TUT7: variants seen among roughly 807,000 people sequenced by gnomAD.
TUT7 encodes terminal uridylyl transferase 7, also known as terminal uridylyltransferase 7.
A neutral mutation model predicts 165.9 loss-of-function variants in TUT7; 33 were observed. That is an observed-to-expected ratio of 0.20 (90% CI 0.15 to 0.27). The LOEUF is 0.27. Ranked by LOEUF, TUT7 falls within the 10% of genes least tolerant of loss-of-function variation. The pLI, the probability that TUT7 is intolerant of heterozygous loss-of-function variation, is 1.00. For missense variants in TUT7, 1,338 were observed against 1,762.3 expected (o/e 0.76, Z 4.31); for synonymous variants, 552 against 608.1 (o/e 0.91, Z 1.36).
intron 26 of TUT7, among the ~76,000 whole-genome samples, chr9:86,293,022 A>T (rs1318030260): frequency 1.3e-5 from 2 of 152,218 alleles, no homozygotes; most frequent in African/African-American, 2.4e-5. Flanking sequence ...ACATGAATGA[A>T]TTTTTATATA....
intron 15 of TUT7, 72 bp from the exon 16 acceptor site, chr9:86,319,130 C>A (rs1828997443): frequency 9.4e-7 from 1 of 1,060,732 alleles, no homozygotes; most frequent in South Asian, 1.5e-5. Flanking sequence ...ATGGCCCTCT[C>A]ATGAATCAAA....
At chr9:86,310,639 G>T in intron 18 of TUT7, 67 bp downstream of exon 18, 3 of 818,330 alleles carry the variant, frequency 3.7e-6, no homozygotes, top group South Asian at 3.0e-5. Context: ...TTTAACTTGA[G>T]GTTTTTGCAA....
chr9:86,308,237 T>C (rs767492817), intron 22 of TUT7, among the ~76,000 whole-genome samples, 192 bp downstream of exon 22: 1 of 152,098 alleles, frequency 6.6e-6, no homozygotes, highest in Non-Finnish European at 1.5e-5. Context: ...AAATTTGTCA[T>C]GGTGAAATGG....
intron 7 of TUT7, 59 bp from the exon 8 acceptor site, chr9:86,340,164 A>G (rs572888332): frequency 7.0e-7 from 1 of 1,430,376 alleles, no homozygotes; most frequent in East Asian, 2.3e-5. Context: ...TTAAAAGCAG[A>G]ACCAGATAAA....
intron 14 of TUT7, 46 bp from the exon 15 acceptor site, chr9:86,319,716 ACTCTTAG>A: frequency 1.6e-6 from 2 of 1,257,874 alleles, no homozygotes; most frequent in South Asian, 2.7e-5. Flanking sequence ...GCCGGTTGAC[ACTCTTAG>A]AAAAAGCTGA....
chr9:86,291,725 T>TAGAAATGAC (rs1282927153), intron 26 of TUT7, among the ~76,000 whole-genome samples: 1 of 152,146 alleles, frequency 6.6e-6, no homozygotes, highest in African/African-American at 2.4e-5. Flanking sequence ...GAAGAATACA[T>TAGAAATGAC]AGAAATGACC....
intron 9 of TUT7, among the ~76,000 whole-genome samples, chr9:86,338,313 G>A (rs1282174667): frequency 1.3e-5 from 2 of 150,894 alleles, no homozygotes; most frequent in Non-Finnish European, 2.9e-5. Flanking sequence ...CCAGGTTCAA[G>A]CGACAGAATC....
chr9:86,301,746 G>T (rs1826928222), intron 25 of TUT7, 145 bp from the exon 26 acceptor site: 1 of 1,453,976 alleles, frequency 6.9e-7, no homozygotes, highest in African/African-American at 1.4e-5. Context: ...GAACCTAAAT[G>T]AAAATCCATC....
chr9:86,314,809 G>A (rs1587909707), intron 17 of TUT7, among the ~76,000 whole-genome samples: 1 of 152,156 alleles, frequency 6.6e-6, no homozygotes, highest in East Asian at 1.9e-4. Context: ...TTATCTCCTA[G>A]TATTTCCCAT....
chr9:86,317,244 T>C lies in TUT7; in HGVS notation c.3249A>G (p.Leu1083=), dbSNP rs146719083. ...CTGAATGTTTTCTGAGGACTCTTGC[T>C]AATTCTTCAATAGTTCTGACACAGT... ...GLDCVRTIEE[L]ARVLRKHSGL... The change falls in exon 17 of 27, where the codon TTA becomes TTG. Residue 1083 remains leucine (L), a synonymous_variant. Transcript: ENST00000375963. The C allele has an allele frequency of 5.0e-6, 8 of 1,613,782 alleles. No individual in the cohort carries two copies. The African/African-American group carries it at 1.1e-4, about 22-fold the overall frequency.
In TUT7 at chr9:86,343,062, A is replaced by G; in HGVS notation, c.1086+13T>C. 1 of 1,569,292 alleles carries G rather than the reference A, an allele frequency of 6.4e-7. No individual in the cohort carries two copies. The highest frequency in any genetic ancestry group is 8.7e-7 in the Non-Finnish European group (1 of 1,145,960). ...ACCACTCTGAAAGTGCCAGCATTTC[A>G]TTTTGTACTTACAATGGCTGGAAAC... On this transcript the variant is annotated intron_variant, in intron 6 of 26. Coordinates refer to ENST00000375963, the MANE Select transcript of TUT7 (RefSeq NM_024617.4).
chr9:86,350,517 C>T (rs977008346), intron 2 of TUT7, among the ~76,000 whole-genome samples: 9 of 152,294 alleles, frequency 5.9e-5, no homozygotes, highest in East Asian at 1.9e-4. Context: ...TATTCGGCTC[C>T]GCCGTCAGGA....
chr9:86,301,077 T>C (rs1202423511), intron 26 of TUT7, among the ~76,000 whole-genome samples, 199 bp downstream of exon 26: 1 of 152,208 alleles, frequency 6.6e-6, no homozygotes, highest in Non-Finnish European at 1.5e-5. Flanking sequence ...CATAAGACTC[T>C]AAATAAAGCC....
At chr9:86,331,526 T>C (rs576276494) in intron 10 of TUT7, among the ~76,000 whole-genome samples, 18 of 152,324 alleles carry the variant, frequency 1.2e-4, no homozygotes, top group Admixed American at 2.6e-4. Context: ...CTCTTAATAG[T>C]TGCAAACATT....
intron 26 of TUT7, among the ~76,000 whole-genome samples, chr9:86,294,452 T>C (rs1826137915): frequency 1.3e-5 from 2 of 152,136 alleles, no homozygotes; most frequent in African/African-American, 4.8e-5. Flanking sequence ...TTTTTTGTCA[T>C]GTAATTAAGA....
chr9:86,296,538 G>C (rs559647272), intron 26 of TUT7, among the ~76,000 whole-genome samples: 1 of 152,284 alleles, frequency 6.6e-6, no homozygotes, highest in East Asian at 1.9e-4. Context: ...GCAACCTAGA[G>C]GAAAGGATGG....
At chr9:86,302,271 G>C (rs1826994240) in intron 25 of TUT7, among the ~76,000 whole-genome samples, 1 of 152,236 alleles carries the variant, frequency 6.6e-6, no homozygotes, top group South Asian at 2.1e-4. Flanking sequence ...CCAGAAGAAA[G>C]CATGGGGACT....
At position 86,319,572 on chromosome 9, in the gene TUT7, T is replaced by A; in HGVS notation, c.3115+12A>T. On this transcript the variant is annotated intron_variant, in intron 15 of 26. Coordinates refer to ENST00000375963, the MANE Select transcript of TUT7 (RefSeq NM_024617.4). ...CACTACTTTTCTTAAAAATAAAAAATAAATCATTTACCTGGAAAGTCCTGT... is the reference window on the plus strand; with the variant it reads ...CACTACTTTTCTTAAAAATAAAAAAAAAATCATTTACCTGGAAAGTCCTGT... 6.4e-7 allele frequency: 1 copy of A among 1,566,968 alleles called. No individual in the cohort carries two copies. The highest frequency in any genetic ancestry group is 8.7e-7 in the Non-Finnish European group (1 of 1,151,954).
intron 10 of TUT7, among the ~76,000 whole-genome samples, chr9:86,330,230 T>A (rs1830188556): frequency 6.6e-6 from 1 of 152,012 alleles, no homozygotes; most frequent in Non-Finnish European, 1.5e-5. Context: ...GCTAATTTTT[T>A]TATATTTTTT....
Sources: allele counts gnomAD v4.1 joint callset (sites outside exome capture counted in the v4.1 genomes callset), GRCh38; gene constraint gnomAD v4.1.1; transcripts MANE v1.5; gene names NCBI Gene and HGNC (gene_info 2026-07-23, HGNC 2026-07-21).